The following MSI1 variants were observed in gnomAD, a reference collection of about 807,000 sequenced individuals.
MSI1 encodes RNA-binding protein Musashi homolog 1.
MSI1 carries 15 observed loss-of-function variants against 54.4 expected under a neutral mutation model. The observed-to-expected ratio is 0.28, with a 90% CI of 0.18 to 0.42. The LOEUF (loss-of-function observed/expected upper bound fraction) is 0.42. Among genes scored for constraint, MSI1 ranks in the 20% least tolerant of loss-of-function variants. The pLI is 1.00. For synonymous variants in MSI1, 200 were observed against 196.5 expected, an observed-to-expected ratio of 1.02 and a Z score of -0.15; for missense variants, 304 against 506.0, an observed-to-expected ratio of 0.60 and a Z score of 3.83.
chr12:120,345,248 G>A (rs1374438022), intron 14 of MSI1, among the ~76,000 whole-genome samples: 1 of 151,700 alleles, frequency 6.6e-6, no homozygotes, highest in East Asian at 1.9e-4. Flanking sequence ...CAGCTACTCG[G>A]GAGGAGTCTG....
In MSI1 at chr12:120,341,927, CCTCT is replaced by C. The variant is rs1873696970; in HGVS notation, c.*1196_*1199del. 6.5e-6 allele frequency: 1 copy of C among 152,756 alleles called. No homozygotes were observed. The highest frequency in any genetic ancestry group is 2.4e-5 in the African/African-American group (1 of 41,436). 9.5% of individuals were successfully genotyped at this position (152,756 alleles called of 1,614,324 possible). A position where few individuals can be genotyped will look rare whatever the true frequency, so the allele number is the denominator to read the frequency against. ...GTTCATGAAGGTCCAACGCTCTGAACCTCTCTTTTTCCTTAGAAGGGGGGTCTGG... is the reference window on the plus strand; with the variant it reads ...GTTCATGAAGGTCCAACGCTCTGAACCTTTTTCCTTAGAAGGGGGGTCTGG... On this transcript the variant is annotated 3_prime_UTR_variant, in exon 15 of 15. Transcript: ENST00000257552.
intron 5 of MSI1, 39 bp from the exon 6 acceptor site, chr12:120,363,174 C>T: frequency 6.3e-7 from 1 of 1,576,604 alleles, no homozygotes; most frequent in Non-Finnish European, 8.7e-7. Context: ...CATCTGAGTC[C>T]TGTGGCCTAC....
At position 120,358,972 on chromosome 12, in the gene MSI1, C is replaced by T. The variant is rs953122021; in HGVS notation, c.451+33G>A. 6.4e-6 allele frequency: 10 copies of T among 1,561,450 alleles called. No individual in the cohort carries two copies. The African/African-American group carries it at 1.2e-4, about 19-fold the overall frequency. Reference sequence around the variant, plus strand: ...GCAGCCCCCTGGCTGACCACGGGGCCCAGCCTGGGAAGGGGGAGGGGGCCA... The same window carrying T: ...GCAGCCCCCTGGCTGACCACGGGGCTCAGCCTGGGAAGGGGGAGGGGGCCA... On this transcript the variant is annotated intron_variant, in intron 7 of 14. Coordinates refer to ENST00000257552, the MANE Select transcript of MSI1 (RefSeq NM_002442.4).
Position 120,353,830 on chromosome 12 carries a change from A to G in MSI1, c.653-451T>C, listed in dbSNP as rs558898180. Among the ~76,000 whole-genome samples, 5 of 152,316 alleles carry G rather than the reference A, an allele frequency of 3.3e-5. No homozygotes were observed. The South Asian group carries it at 1.0e-3, about 32-fold the overall frequency. ...TGCCTTTGCCTGGAGCACTCTTTCC[A>G]GATGACTACATGCCTGAGTCCCTCT... On this transcript the variant is annotated intron_variant, in intron 9 of 14. Transcript: ENST00000257552.
Position 120,369,150 on chromosome 12 carries a change from C to CGGCGCGGGGCAGATGAGG in MSI1, c.-60_-59insCCTCATCTGCCCCGCGCC, listed in dbSNP as rs1876230835. 6.0e-6 allele frequency: 6 copies of CGGCGCGGGGCAGATGAGG among 998,052 alleles called. No homozygotes were observed. The South Asian group carries it at 1.8e-4, about 30-fold the overall frequency. 61.8% of individuals were successfully genotyped at this position (998,052 alleles called of 1,614,324 possible). A position where few individuals can be genotyped will look rare whatever the true frequency, so the allele number is the denominator to read the frequency against. ...CGGCGGCGGCGGCGGCGGCGGCGCT[C>CGGCGCGGGGCAGATGAGG]GGCGCGGGGCAGATGAGGAGCGCGG... is the stretch of plus-strand genomic sequence containing the variant. On this transcript the variant is annotated 5_prime_UTR_variant, in exon 1 of 15. Coordinates refer to ENST00000257552, the MANE Select transcript of MSI1 (RefSeq NM_002442.4).
At chr12:120,353,200 AG>A in intron 10 of MSI1, 98 bp downstream of exon 10, 1 of 1,160,696 alleles carries the variant, frequency 8.6e-7, no homozygotes, top group East Asian at 2.4e-5. Flanking sequence ...TCCAGCAAGC[AG>A]ACCCCCAGCC....
chr12:120,343,577 T>C (rs1311170140), intron 14 of MSI1, among the ~76,000 whole-genome samples: 4 of 152,104 alleles, frequency 2.6e-5, no homozygotes, highest in Non-Finnish European at 5.9e-5. Context: ...AGATTTCGAA[T>C]GGCTGGATTT....
chr12:120,363,638 C>T (rs775866204), intron 5 of MSI1, among the ~76,000 whole-genome samples: 2 of 152,190 alleles, frequency 1.3e-5, no homozygotes, highest in African/African-American at 2.4e-5. Context: ...GGCTAATCCG[C>T]GGCAATTCCC....
intron 9 of MSI1, among the ~76,000 whole-genome samples, chr12:120,355,760 C>T (rs1205863334): frequency 6.6e-6 from 1 of 152,192 alleles, no homozygotes. Flanking sequence ...TTTGGGATTA[C>T]TTCCAAATAA....
At chr12:120,355,052 A>AT (rs1484893868) in intron 9 of MSI1, among the ~76,000 whole-genome samples, 2 of 151,166 alleles carry the variant, frequency 1.3e-5, no homozygotes, top group Non-Finnish European at 2.9e-5. Context: ...AAAAAAAAAA[A>AT]AAAAGAGCAT....
chr12:120,353,702 T>C (rs1399085957), intron 9 of MSI1, among the ~76,000 whole-genome samples: 2 of 152,212 alleles, frequency 1.3e-5, no homozygotes, highest in African/African-American at 4.8e-5. Flanking sequence ...CCTCATCTCC[T>C]GCACACTGCT....
At chr12:120,350,058 G>C (rs1874464162) in intron 11 of MSI1, among the ~76,000 whole-genome samples, 1 of 152,198 alleles carries the variant, frequency 6.6e-6, no homozygotes, top group Non-Finnish European at 1.5e-5. Flanking sequence ...ATGGTGCTCT[G>C]TTGCCCAGGC....
At chr12:120,359,124 T>C in intron 6 of MSI1, 71 bp from the exon 7 acceptor site, 2 of 1,535,170 alleles carry the variant, frequency 1.3e-6, no homozygotes, top group Non-Finnish European at 1.8e-6. Flanking sequence ...GAACAGGGGC[T>C]CTGGCAACCC....
At chr12:120,358,325 C>T (rs1259686588) in intron 7 of MSI1, among the ~76,000 whole-genome samples, 2 of 152,232 alleles carry the variant, frequency 1.3e-5, no homozygotes, top group African/African-American at 4.8e-5. Flanking sequence ...TAGATACCTG[C>T]GTATCACGCA....
At chr12:120,364,803 A>G in intron 4 of MSI1, 48 bp from the exon 5 acceptor site, 1 of 1,553,508 alleles carries the variant, frequency 6.4e-7, no homozygotes. Context: ...TCGCATTTTT[A>G]GAAGAGCGAC....
At chr12:120,367,982 C>A (rs560639467) in intron 4 of MSI1, 26 bp downstream of exon 4, 2 of 1,591,578 alleles carry the variant, frequency 1.3e-6, no homozygotes, top group Non-Finnish European at 1.7e-6. Context: ...TCCCAAAGGA[C>A]CCCCGAAGCC....
At chr12:120,361,102 G>A (rs1875594966) in intron 6 of MSI1, among the ~76,000 whole-genome samples, 1 of 152,136 alleles carries the variant, frequency 6.6e-6, no homozygotes, top group Non-Finnish European at 1.5e-5. Flanking sequence ...TGGCAAAGCT[G>A]GGGAGAGAGC....
chr12:120,346,611 T>G lies in MSI1; in HGVS notation c.860-289A>C, dbSNP rs990226356. ...ACCCTGACCCGCGTCCCTCTGCTAC[T>G]TGCAATTTCCACTGTCTCCCCACCA... On this transcript the variant is annotated intron_variant, in intron 12 of 14. Coordinates refer to ENST00000257552, the MANE Select transcript of MSI1 (RefSeq NM_002442.4). Among the ~76,000 whole-genome samples the G allele has an allele frequency of 1.1e-4, 17 of 152,060 alleles. No individual in the cohort carries two copies. The South Asian group carries it at 1.7e-3, about 15-fold the overall frequency.
At chr12:120,343,225 C>CA (rs1873840668) in intron 14 of MSI1, 120 bp from the exon 15 acceptor site, 1 of 152,208 alleles carries the variant, frequency 6.6e-6, no homozygotes, top group Non-Finnish European at 1.5e-5. Flanking sequence ...TTTTTAGAGA[C>CA]AGAGTCCAGC....
Sources: allele counts gnomAD v4.1 joint callset (sites outside exome capture counted in the v4.1 genomes callset), GRCh38; gene constraint gnomAD v4.1.1; transcripts MANE v1.5; gene names NCBI Gene and HGNC (gene_info 2026-07-23, HGNC 2026-07-21).